The following SHH variants were observed in gnomAD, a reference collection of about 807,000 sequenced individuals.
SHH encodes sonic hedgehog signaling molecule, also known as sonic hedgehog protein.
A neutral mutation model predicts 16.6 loss-of-function variants in SHH; 3 were observed. The observed-to-expected ratio is 0.18, with a 90% CI of 0.08 to 0.47. The LOEUF (loss-of-function observed/expected upper bound fraction) is 0.47. Ranked by LOEUF, SHH falls within the 20% of genes least tolerant of loss-of-function variation. The pLI, the probability that SHH is intolerant of heterozygous loss-of-function variation, is 0.98. For synonymous variants in SHH, 351 were observed against 316.2 expected, an observed-to-expected ratio of 1.11 and a Z score of -1.17; for missense variants, 499 against 665.0, an observed-to-expected ratio of 0.75 and a Z score of 2.75.
chr7:155,804,187 C>G lies in SHH; in HGVS notation c.563-461G>C, dbSNP rs1584798099. Among the ~76,000 whole-genome samples, 4 of 151,694 alleles carry G rather than the reference C, an allele frequency of 2.6e-5. No individual in the cohort carries two copies. The East Asian group carries it at 7.8e-4, about 29-fold the overall frequency. The stretch of plus-strand genomic sequence containing the variant: ...GCCCCGGCGCGGGGCGCGGCGCCTG[C>G]TCGCGCACTCAGCACCCGGGCTGCG... On this transcript the variant is annotated intron_variant, in intron 2 of 2. Coordinates refer to ENST00000297261, the MANE Select transcript of SHH (RefSeq NM_000193.4).
At chr7:155,808,452 C>T (rs1359005202) in intron 1 of SHH, among the ~76,000 whole-genome samples, 1 of 152,246 alleles carries the variant, frequency 6.6e-6, no homozygotes, top group Non-Finnish European at 1.5e-5. Flanking sequence ...GCTCTGTGAG[C>T]TGCGCCACTT....
At position 155,809,911 on chromosome 7, in the gene SHH, G is replaced by A. The variant is rs2117147849; in HGVS notation, c.300+1912C>T. Among the ~76,000 whole-genome samples the A allele has an allele frequency of 6.6e-6, 1 of 151,614 alleles. No homozygotes were observed. The highest frequency in any genetic ancestry group is 2.1e-4 in the South Asian group (1 of 4,824). On this transcript the variant is annotated intron_variant, in intron 1 of 2. Coordinates refer to ENST00000297261, the MANE Select transcript of SHH (RefSeq NM_000193.4). This position sits in a 1 kb window ranked among gnomAD's most constrained non-coding sequence, Gnocchi z 6.1. ...GCCAGGCAGGCGGCGGACTGGGGAT[G>A]GGGGCGCGTCCCAGGGCAGGCCGGC...
At position 155,801,132 on chromosome 7, in the gene SHH, C is replaced by T. The variant is rs73735498; in HGVS notation, c.*1768G>A. 7.0e-3 allele frequency: 1,103 copies of T among 158,198 alleles called. 15 individuals carry two copies. Among genetic ancestry groups the T allele is most frequent in the African/African-American group, 0.025 (1,037 of 41,668 alleles). The allele number at this position is 158,198 out of a possible 1,614,324, so 9.8% of individuals were successfully genotyped here. On this transcript the variant is annotated 3_prime_UTR_variant, in exon 3 of 3. Coordinates refer to ENST00000297261, the MANE Select transcript of SHH (RefSeq NM_000193.4). ...CATGGAAGGACCTTCCCCAGCCCAG[C>T]GCCCACAGCAGCATGCTCTCTCAAC... is the stretch of plus-strand genomic sequence containing the variant.
Position 155,800,077 on chromosome 7 carries a change from C to T in SHH, c.*2823G>A, listed in dbSNP as rs1207316055. On this transcript the variant is annotated 3_prime_UTR_variant, in exon 3 of 3. Transcript: ENST00000297261. ...ACACGTTTTGACAGGAATAGATATG[C>T]ATTTAGTCATGAGGGAGGCTGGCAG... 1 of 471,668 alleles carries T rather than the reference C, an allele frequency of 2.1e-6. No individual in the cohort carries two copies. Among genetic ancestry groups the T allele is most frequent in the East Asian group, 6.9e-5 (1 of 14,396 alleles). 29.2% of individuals were successfully genotyped at this position (471,668 alleles called of 1,614,324 possible). A position where few individuals can be genotyped will look rare whatever the true frequency, so the allele number is the denominator to read the frequency against.
intron 2 of SHH, among the ~76,000 whole-genome samples, chr7:155,805,701 C>T (rs1002294865): frequency 2.6e-5 from 4 of 152,174 alleles, no homozygotes; most frequent in Non-Finnish European, 5.9e-5. Flanking sequence ...CCGCCCAGGG[C>T]GTCCCGGCCC....
chr7:155,812,036 C>T lies in SHH; in HGVS notation c.87G>A (p.Gly29=), dbSNP rs1245787648. 9 of 1,614,046 alleles carry T rather than the reference C, an allele frequency of 5.6e-6. No individual in the cohort carries two copies. The Admixed American group carries it at 6.7e-5, about 12-fold the overall frequency. Reference sequence around the variant, plus strand: ...TTTTGGGGTGCCTCCTCTTCCCGAACCCCCTGCCCGGTCCGCACGCCAGTC... The same window carrying T: ...TTTTGGGGTGCCTCCTCTTCCCGAATCCCCTGCCCGGTCCGCACGCCAGTC... ...CSGLACGPGR[G]FGKRRHPKKL... Residue 29 remains glycine (G), a synonymous_variant, in exon 1 of 3, where the codon GGG becomes GGA. Coordinates refer to ENST00000297261, the MANE Select transcript of SHH (RefSeq NM_000193.4).
rs1347439703 is a variant in SHH, at chr7:155,809,665, G to C, written c.300+2158C>G. On this transcript the variant is annotated intron_variant, in intron 1 of 2. Transcript: ENST00000297261. This position sits in a 1 kb window ranked among gnomAD's most constrained non-coding sequence, Gnocchi z 6.1. ...GTCCTTCCCCCTCCTTTTGTGTTGG[G>C]AACGGGAATAGCCACTGCCCAAGGA... Among the ~76,000 whole-genome samples the C allele has an allele frequency of 6.6e-6, 1 of 152,204 alleles. No homozygotes were observed. The highest frequency in any genetic ancestry group is 1.5e-5 in the Non-Finnish European group (1 of 68,026).
At chr7:155,803,770 G>A (rs1803270542) in intron 2 of SHH, 44 bp from the exon 3 acceptor site, 2 of 1,514,164 alleles carry the variant, frequency 1.3e-6, no homozygotes, top group Admixed American at 3.4e-5. Context: ...AGGGCATTGA[G>A]TTCCGAGAGG....
chr7:155,808,522 G>A (rs1247004376), intron 1 of SHH, among the ~76,000 whole-genome samples: 1 of 152,218 alleles, frequency 6.6e-6, no homozygotes, highest in East Asian at 1.9e-4. Context: ...GCGACGGGAG[G>A]TGGCTGCGCG....
Position 155,800,643 on chromosome 7 carries a change from C to T in SHH, c.*2257G>A, listed in dbSNP as rs1230412247. ...ATCGCACTTCCTCCGAGATTGTAAA[C>T]ACCAGCCTGGAACCTGCTGACCACC... On this transcript the variant is annotated 3_prime_UTR_variant, in exon 3 of 3. Coordinates refer to ENST00000297261, the MANE Select transcript of SHH (RefSeq NM_000193.4). 6.4e-6 allele frequency: 3 copies of T among 470,664 alleles called. No homozygotes were observed. Among genetic ancestry groups the T allele is most frequent in the African/African-American group, 6.0e-5 (3 of 50,086 alleles). 29.2% of individuals were successfully genotyped at this position (470,664 alleles called of 1,614,324 possible). A position where few individuals can be genotyped will look rare whatever the true frequency, so the allele number is the denominator to read the frequency against.
Position 155,812,012 on chromosome 7 carries a change from T to G in SHH, c.111A>C (p.Lys37Asn), listed in dbSNP as rs763849281. 6.2e-7 allele frequency: 1 copy of G among 1,614,054 alleles called. No homozygotes were observed. Among genetic ancestry groups the G allele is most frequent in the Non-Finnish European group, 8.5e-7 (1 of 1,179,994 alleles). The change falls in exon 1 of 3, where the codon AAA (lysine) becomes AAC (asparagine). Residue 37 changes from lysine to asparagine, a missense_variant. Lys to Asn is a moderately conservative substitution (Grantham distance 94). Transcript: ENST00000297261. ...GRGFGKRRHP[K>N]KLTPLAYKQF... is the part of the protein sequence containing the mutation. ...GCTTGTAGGCTAAAGGGGTCAGCTT[T>G]TTGGGGTGCCTCCTCTTCCCGAACC...
In SHH at chr7:155,800,108, A is replaced by G. The variant is rs1373225235; in HGVS notation, c.*2792T>C. The G allele has an allele frequency of 2.1e-6, 1 of 471,702 alleles. No individual in the cohort carries two copies. Among genetic ancestry groups the G allele is most frequent in the Non-Finnish European group, 4.4e-6 (1 of 227,198 alleles). The allele number at this position is 471,702 out of a possible 1,614,324, so 29.2% of individuals were successfully genotyped here. On this transcript the variant is annotated 3_prime_UTR_variant, in exon 3 of 3. Coordinates refer to ENST00000297261, the MANE Select transcript of SHH (RefSeq NM_000193.4). ...GTCATGAGGGAGGCTGGCAGCAACC[A>G]CCATGCATACATTTTGCACAAACTC...
At position 155,807,572 on chromosome 7, in the gene SHH, T is replaced by A. The variant is rs1315954649; in HGVS notation, c.301-1015A>T. ...ACTGACTAGGCAGATGCAGACGGGGTTACCTGGGATTCAGATTGTGGGGGT... is the reference window on the plus strand; with the variant it reads ...ACTGACTAGGCAGATGCAGACGGGGATACCTGGGATTCAGATTGTGGGGGT... On this transcript the variant is annotated intron_variant, in intron 1 of 2. Coordinates refer to ENST00000297261, the MANE Select transcript of SHH (RefSeq NM_000193.4). This position sits in a 1 kb window ranked among gnomAD's most constrained non-coding sequence, Gnocchi z 7.1. Among the ~76,000 whole-genome samples, 1 of 151,790 alleles carries A rather than the reference T, an allele frequency of 6.6e-6. No individual in the cohort carries two copies. The highest frequency in any genetic ancestry group is 2.4e-5 in the African/African-American group (1 of 41,318).
Position 155,800,396 on chromosome 7 carries a change from G to A in SHH, c.*2504C>T, listed in dbSNP as rs1360559954. Reference sequence around the variant, plus strand: ...ACCCAGGAGTGAGGATTTCCCATCCGGGTGAAGCTCTGCTCCAAGGTGCCC... The same window carrying A: ...ACCCAGGAGTGAGGATTTCCCATCCAGGTGAAGCTCTGCTCCAAGGTGCCC... On this transcript the variant is annotated 3_prime_UTR_variant, in exon 3 of 3. Coordinates refer to ENST00000297261, the MANE Select transcript of SHH (RefSeq NM_000193.4). The A allele has an allele frequency of 2.6e-5, 10 of 387,692 alleles. No individual in the cohort carries two copies. In the East Asian group the frequency reaches 2.9e-4, roughly 11 times the overall value. 24.0% of individuals were successfully genotyped at this position (387,692 alleles called of 1,614,324 possible).
chr7:155,811,772 C>G, intron 1 of SHH, 51 bp downstream of exon 1: 1 of 1,573,946 alleles, frequency 6.4e-7, no homozygotes, highest in African/African-American at 1.3e-5. Context: ...TTCGGCTTCT[C>G]GTAACCCCCT....
Position 155,807,240 on chromosome 7 carries a change from GC to G in SHH, c.301-684del, listed in dbSNP as rs894915988. ...AGGTGAGTTGCCACTTGCAGCACAGGCCGGGGCCGGGACAGACATTCTTTAT... is the reference window on the plus strand; with the variant it reads ...AGGTGAGTTGCCACTTGCAGCACAGGCGGGGCCGGGACAGACATTCTTTAT... On this transcript the variant is annotated intron_variant, in intron 1 of 2. Coordinates refer to ENST00000297261, the MANE Select transcript of SHH (RefSeq NM_000193.4). The surrounding 1 kb of genome is among the most constrained non-coding windows in gnomAD (Gnocchi z 7.1). The G allele has an allele frequency of 7.0e-5, 11 of 157,494 alleles. No individual in the cohort carries two copies. The highest frequency in any genetic ancestry group is 2.4e-4 in the African/African-American group (10 of 41,608). The allele number at this position is 157,494 out of a possible 1,614,324, so 9.8% of individuals were successfully genotyped here.
At chr7:155,805,046 C>G (rs1329820071) in intron 2 of SHH, among the ~76,000 whole-genome samples, 4 of 151,930 alleles carry the variant, frequency 2.6e-5, no homozygotes, top group Admixed American at 2.6e-4. Context: ...GCGCCCCCGC[C>G]CGTGTGCTCA....
chr7:155,805,155 C>A (rs1473219413), intron 2 of SHH, among the ~76,000 whole-genome samples: 4 of 151,496 alleles, frequency 2.6e-5, no homozygotes, highest in Admixed American at 6.6e-5. Context: ...CTCCGGAGAC[C>A]CCCGCTAGGG....
chr7:155,812,150 G>C lies in SHH; in HGVS notation c.-28C>G, dbSNP rs1584806217. 3.7e-6 allele frequency: 6 copies of C among 1,612,372 alleles called. No individual in the cohort carries two copies. In the East Asian group the frequency reaches 1.3e-4, roughly 36 times the overall value. On this transcript the variant is annotated 5_prime_UTR_variant, in exon 1 of 3. Transcript: ENST00000297261. ...CGCCCATGGAACTGATGACTTCCGA[G>C]CTGTCCCCGTGCGGGTCCGTGCGCG...
Sources: allele counts gnomAD v4.1 joint callset (sites outside exome capture counted in the v4.1 genomes callset), GRCh38; gene constraint gnomAD v4.1.1; non-coding constraint Gnocchi (gnomAD v3.1); transcripts MANE v1.5; gene names NCBI Gene and HGNC (gene_info 2026-07-23, HGNC 2026-07-21).